The following ZNF407 variants were observed in gnomAD, a reference collection of about 807,000 sequenced individuals.
ZNF407 encodes zinc finger protein 407.
Under a neutral mutation model 131.2 loss-of-function variants are expected in ZNF407, and 17 were observed. That is an observed-to-expected ratio of 0.13 (90% CI 0.09 to 0.19). The LOEUF (loss-of-function observed/expected upper bound fraction) is 0.19, where lower values mean the gene tolerates loss of function less well. Ranked by LOEUF, ZNF407 falls within the 10% of genes least tolerant of loss-of-function variation. The pLI, the probability that ZNF407 is intolerant of heterozygous loss-of-function variation, is 1.00. For missense variants in ZNF407, 2,681 were observed against 2,830.6 expected, an observed-to-expected ratio of 0.95 and a Z score of 1.20; for synonymous variants, 1,156 against 1,062.0, an observed-to-expected ratio of 1.09 and a Z score of -1.72.
intron 3 of ZNF407, among the ~76,000 whole-genome samples, chr18:74,650,935 G>GTCTATCTA (rs56006965): frequency 2.0e-4 from 31 of 151,902 alleles, no homozygotes; most frequent in Admixed American, 4.6e-4. Context: ...GTGTGTGTGT[G>GTCTATCTA]TCTATCTATC....
chr18:74,831,979 GGACTAAC>G (rs1970491207), intron 4 of ZNF407, among the ~76,000 whole-genome samples: 1 of 152,162 alleles, frequency 6.6e-6, no homozygotes, highest in African/African-American at 2.4e-5. Context: ...CTGTCAGTCT[GGACTAAC>G]ACCTTACACT....
At chr18:74,839,315 A>G (rs1481462913) in intron 4 of ZNF407, among the ~76,000 whole-genome samples, 1 of 152,240 alleles carries the variant, frequency 6.6e-6, no homozygotes, top group East Asian at 1.9e-4. Context: ...TAGAAGGTAC[A>G]TACACACACA....
chr18:74,631,087 T>G lies in ZNF407; in HGVS notation c.68T>G (p.Leu23Trp). 6.2e-7 allele frequency: 1 copy of G among 1,613,572 alleles called. No individual in the cohort carries two copies. Among genetic ancestry groups the G allele is most frequent in the East Asian group, 2.2e-5 (1 of 44,876 alleles). The part of the protein sequence containing the change: ...DEKINKEAQD[L>W]TKLSSHNEDG... ...AAGATAAACAAAGAAGCACAAGACT[T>G]GACAAAGCTTTCATCCCATAATGAA... The change falls in exon 2 of 9, where the codon TTG becomes TGG. Residue 23 changes from leucine to tryptophan, a missense_variant. Around this residue, in one of 6 missense-constraint regions of ZNF407, gnomAD observed 1,789 missense variants for 1,748.7 expected, o/e 1.02. Transcript: ENST00000299687.
intron 3 of ZNF407, among the ~76,000 whole-genome samples, chr18:74,748,618 C>A (rs1599120037): frequency 6.6e-6 from 1 of 152,084 alleles, no homozygotes; most frequent in African/African-American, 2.4e-5. Context: ...CAATCACTTT[C>A]AATCTATAGA....
intron 8 of ZNF407, among the ~76,000 whole-genome samples, chr18:75,034,311 T>TG (rs1281938990): frequency 6.7e-6 from 1 of 148,692 alleles, no homozygotes; most frequent in Non-Finnish European, 1.5e-5. Flanking sequence ...TTTTTTTTTT[T>TG]TTTTTTTTTT....
At chr18:74,884,157 C>A (rs988106231) in intron 6 of ZNF407, among the ~76,000 whole-genome samples, 3 of 152,190 alleles carry the variant, frequency 2.0e-5, no homozygotes, top group African/African-American at 7.2e-5. Flanking sequence ...TGTATGTCAT[C>A]TTCAAACCAT....
intron 5 of ZNF407, among the ~76,000 whole-genome samples, chr18:74,879,581 T>G (rs188589467): frequency 1.3e-5 from 2 of 152,330 alleles, no homozygotes; most frequent in East Asian, 3.9e-4. Flanking sequence ...AATAATTAAA[T>G]GAGTGATTAT....
At chr18:74,957,697 C>T (rs1376151731) in intron 8 of ZNF407, among the ~76,000 whole-genome samples, 3 of 152,042 alleles carry the variant, frequency 2.0e-5, no homozygotes, top group Non-Finnish European at 4.4e-5. Context: ...TAGACAGTGC[C>T]GTAATGGGAA....
chr18:74,842,812 C>T (rs990492838), intron 4 of ZNF407, among the ~76,000 whole-genome samples: 11 of 152,070 alleles, frequency 7.2e-5, no homozygotes, highest in Non-Finnish European at 1.6e-4. Context: ...CAACTTCTGC[C>T]TCCTGGGTTC....
At chr18:74,654,756 G>T (rs1985377817) in intron 3 of ZNF407, among the ~76,000 whole-genome samples, 1 of 151,688 alleles carries the variant, frequency 6.6e-6, no homozygotes, top group African/African-American at 2.4e-5. Context: ...TTTCTGGTCT[G>T]CTATATTAAG....
intron 8 of ZNF407, among the ~76,000 whole-genome samples, chr18:74,981,415 G>A (rs1015298001): frequency 6.6e-6 from 1 of 152,218 alleles, no homozygotes; most frequent in Admixed American, 6.5e-5. Context: ...CGAGACCCGA[G>A]GGCCACCAAG....
intron 8 of ZNF407, among the ~76,000 whole-genome samples, chr18:75,038,560 T>G (rs1973336667): frequency 6.6e-6 from 1 of 152,174 alleles, no homozygotes; most frequent in Admixed American, 6.5e-5. Context: ...TAGCAATTAT[T>G]AAGTGTTAGG....
At position 74,641,129 on chromosome 18, in the gene ZNF407, A is replaced by G. The variant is rs1484911316; in HGVS notation, c.4802+7A>G. 6.2e-7 allele frequency: 1 copy of G among 1,604,030 alleles called. No individual in the cohort carries two copies. The highest frequency in any genetic ancestry group is 1.7e-5 in the Admixed American group (1 of 59,984). On this transcript the variant is annotated splice_region_variant and intron_variant, in intron 3 of 8. Transcript: ENST00000299687. ...ACAAGTGTCATGTCTGTGGGTGAGTAAATTGAAGCCATCTCTGCTGCGTGA... is the reference window on the plus strand; with the variant it reads ...ACAAGTGTCATGTCTGTGGGTGAGTGAATTGAAGCCATCTCTGCTGCGTGA...
At chr18:74,896,681 A>G (rs1394963215) in intron 7 of ZNF407, among the ~76,000 whole-genome samples, 4 of 152,206 alleles carry the variant, frequency 2.6e-5, no homozygotes, top group African/African-American at 7.2e-5. Context: ...AGCTTGTGTC[A>G]TGATGACACT....
intron 8 of ZNF407, among the ~76,000 whole-genome samples, chr18:74,996,121 A>AT (rs1972777330): frequency 6.6e-6 from 1 of 152,292 alleles, no homozygotes; most frequent in South Asian, 2.1e-4. Context: ...GAATAGTAGG[A>AT]TTTTATGTTA....
intron 8 of ZNF407, among the ~76,000 whole-genome samples, chr18:75,017,448 G>A (rs948483915): frequency 6.6e-6 from 1 of 152,120 alleles, no homozygotes; most frequent in Admixed American, 6.5e-5. Context: ...ATCCACTGAT[G>A]TTTTGGCAGG....
intron 4 of ZNF407, among the ~76,000 whole-genome samples, chr18:74,801,441 G>A (rs1053343252): frequency 3.3e-5 from 5 of 152,166 alleles, no homozygotes; most frequent in African/African-American, 1.2e-4. Context: ...GCAATGTAAT[G>A]GTATCAGTGA....
At chr18:74,864,920 A>G (rs1034001036) in intron 4 of ZNF407, among the ~76,000 whole-genome samples, 4 of 152,220 alleles carry the variant, frequency 2.6e-5, no homozygotes, top group African/African-American at 9.6e-5. Context: ...ACCATGTCCT[A>G]TAATATGGTG....
intron 3 of ZNF407, among the ~76,000 whole-genome samples, chr18:74,698,082 A>G (rs972695743): frequency 6.6e-6 from 1 of 152,230 alleles, no homozygotes; most frequent in Non-Finnish European, 1.5e-5. Flanking sequence ...GATGCATTCA[A>G]TTGACATCAT....
Sources: gnomAD v4.1 joint callset for allele counts (sites outside exome capture counted in the v4.1 genomes callset) on GRCh38, gnomAD v4.1.1 for gene constraint, gnomAD v4.1.1 regional missense constraint, MANE v1.5 for transcripts, NCBI Gene and HGNC (gene_info 2026-07-23, HGNC 2026-07-21) for gene names.